The following COL5A2 variants were observed in gnomAD, a reference collection of about 807,000 sequenced individuals.
COL5A2 encodes the protein collagen type V alpha 2 chain.
Under a neutral mutation model 208.2 loss-of-function variants are expected in COL5A2, and 23 were observed. That is an observed-to-expected ratio of 0.11 (90% CI 0.08 to 0.16). The LOEUF (loss-of-function observed/expected upper bound fraction) is 0.16. COL5A2 is among the 10% of genes least tolerant of loss of function. COL5A2 has a pLI of 1.00. For missense variants in COL5A2, 1,590 were observed against 1,956.4 expected, an observed-to-expected ratio of 0.81 and a Z score of 3.53; for synonymous variants, 625 against 628.5, an observed-to-expected ratio of 0.99 and a Z score of 0.08.
At chr2:189,366,571 A>G in the COL5A2 span, among the ~76,000 whole-genome samples, 1 of 152,230 alleles carries the variant, frequency 6.6e-6, no homozygotes. Flanking sequence ...AATTACCATC[A>G]CATTCCTCAA....
the COL5A2 span, among the ~76,000 whole-genome samples, chr2:189,315,751 T>A: frequency 0.013 from 1,908 of 151,636 alleles, 34 homozygotes; most frequent in African/African-American, 0.044. Context: ...TACAAAATTA[T>A]TGTGTAAAAT....
At chr2:189,352,675 T>A in the COL5A2 span, among the ~76,000 whole-genome samples, 2 of 152,136 alleles carry the variant, frequency 1.3e-5, no homozygotes, top group Non-Finnish European at 2.9e-5. Flanking sequence ...TTTAAGTTCT[T>A]TGTAGATTCT....
intron 1 of COL5A2, among the ~76,000 whole-genome samples, chr2:189,117,966 A>C (rs1687427964): frequency 6.6e-6 from 1 of 152,136 alleles, no homozygotes; most frequent in Non-Finnish European, 1.5e-5. Flanking sequence ...TTGTTTGCTT[A>C]AGAAGCTTTA....
intron 8 of COL5A2, among the ~76,000 whole-genome samples, chr2:189,087,533 G>C (rs1027480457): frequency 6.6e-6 from 1 of 151,650 alleles, no homozygotes. Flanking sequence ...GCGCGACCTG[G>C]GCTCACTGCA....
chr2:189,414,595 C>G, the COL5A2 span, among the ~76,000 whole-genome samples: 1 of 151,760 alleles, frequency 6.6e-6, no homozygotes, highest in Non-Finnish European at 1.5e-5. Context: ...ACTAAAAATA[C>G]AAAAATTAGC....
chr2:189,051,272 G>C (rs369124986), intron 42 of COL5A2, 48 bp downstream of exon 42: 6 of 1,611,254 alleles, frequency 3.7e-6, no homozygotes. Flanking sequence ...GTTTCTATTT[G>C]TAAATATCTC....
chr2:189,290,780 C>T, the COL5A2 span, among the ~76,000 whole-genome samples: 1 of 139,466 alleles, frequency 7.2e-6, no homozygotes, highest in Admixed American at 7.2e-5. Flanking sequence ...GGAAAGGAAA[C>T]CTCAAATACA....
Position 189,032,099 on chromosome 2 carries a change from A to G in COL5A2, c.*1971T>C, listed in dbSNP as rs1559069723. Reference sequence around the variant, plus strand: ...ATGTATTTAGGCATATAAATACTCAAATTTAAGATATACAGGTCAAAATAT... The same window carrying G: ...ATGTATTTAGGCATATAAATACTCAGATTTAAGATATACAGGTCAAAATAT... On this transcript the variant is annotated 3_prime_UTR_variant, in exon 54 of 54. Transcript: ENST00000374866. 6.6e-6 allele frequency: 1 copy of G among 152,154 alleles called. No individual in the cohort carries two copies. The highest frequency in any genetic ancestry group is 1.5e-5 in the Non-Finnish European group (1 of 68,014). 9.4% of individuals were successfully genotyped at this position (152,154 alleles called of 1,614,324 possible). A position where few individuals can be genotyped will look rare whatever the true frequency, so the allele number is the denominator to read the frequency against.
At chr2:189,064,235 G>T (rs1330146109) in intron 25 of COL5A2, among the ~76,000 whole-genome samples, 1 of 151,112 alleles carries the variant, frequency 6.6e-6, no homozygotes, top group Non-Finnish European at 1.5e-5. Context: ...TGCTATAAAA[G>T]TATATTTACA....
intron 1 of COL5A2, among the ~76,000 whole-genome samples, chr2:189,137,500 T>G (rs1294546764): frequency 1.3e-5 from 2 of 152,236 alleles, no homozygotes; most frequent in Admixed American, 6.5e-5. Flanking sequence ...TTAAGTAATA[T>G]TCTTTTGATG....
chr2:189,375,025 T>C, the COL5A2 span, among the ~76,000 whole-genome samples: 1 of 151,624 alleles, frequency 6.6e-6, no homozygotes, highest in Non-Finnish European at 1.5e-5. Flanking sequence ...TATATCTTTT[T>C]TTTTTTTTTG....
the COL5A2 span, among the ~76,000 whole-genome samples, chr2:189,244,657 G>C: frequency 1.3e-5 from 2 of 152,168 alleles, no homozygotes; most frequent in African/African-American, 4.8e-5. Context: ...CAAGTCTCTA[G>C]GGAGTTCCAA....
At chr2:189,125,891 G>A (rs1687598393) in intron 1 of COL5A2, among the ~76,000 whole-genome samples, 1 of 151,974 alleles carries the variant, frequency 6.6e-6, no homozygotes. Flanking sequence ...ATAAAATTAA[G>A]AGAAAGTTGC....
chr2:189,239,283 C>T, the COL5A2 span, among the ~76,000 whole-genome samples: 3 of 151,898 alleles, frequency 2.0e-5, no homozygotes, highest in Admixed American at 6.6e-5. Flanking sequence ...TCACAAAATG[C>T]CCCTGACCTA....
In COL5A2 at chr2:189,065,010, C is replaced by T. The variant is rs1686117535; in HGVS notation, c.1611G>A (p.Gly537=). ...ATTGACAGGGCAACCTCACCTTTGG[C>T]CCAGGTAAACCATCAGAGCCTGGAA... ...RGFPGSDGLP[G]PKGAQGERGP... is the part of the protein sequence containing the mutation. The change falls in exon 24 of 54, where the codon GGG becomes GGA. Residue 537 remains glycine, a synonymous_variant. Transcript: ENST00000374866. The T allele has an allele frequency of 1.2e-6, 2 of 1,613,522 alleles. No homozygotes were observed. Among genetic ancestry groups the T allele is most frequent in the Non-Finnish European group, 1.7e-6 (2 of 1,179,808 alleles).
the COL5A2 span, among the ~76,000 whole-genome samples, chr2:189,301,018 C>T: frequency 1.3e-5 from 2 of 152,054 alleles, no homozygotes; most frequent in African/African-American, 4.8e-5. Context: ...GGAACCCTGT[C>T]TCTACAAAAA....
At chr2:189,095,364 CACTT>C (rs1370290400) in intron 6 of COL5A2, among the ~76,000 whole-genome samples, 1 of 152,090 alleles carries the variant, frequency 6.6e-6, no homozygotes, top group Non-Finnish European at 1.5e-5. Context: ...ATTTGTTAAA[CACTT>C]ACCATCACAC....
chr2:189,193,701 G>A (rs1199847848), intron 1 of COL5A2, among the ~76,000 whole-genome samples: 2 of 152,184 alleles, frequency 1.3e-5, no homozygotes, highest in Non-Finnish European at 2.9e-5. Flanking sequence ...CTGACTTACA[G>A]TTCTTCCTGT....
At chr2:189,404,555 A>C in the COL5A2 span, among the ~76,000 whole-genome samples, 1 of 152,154 alleles carries the variant, frequency 6.6e-6, no homozygotes, top group Non-Finnish European at 1.5e-5. Context: ...ACTGAATTGC[A>C]CCACTGGCTT....
Sources: gnomAD v4.1 joint callset for allele counts (sites outside exome capture counted in the v4.1 genomes callset) on GRCh38, gnomAD v4.1.1 for gene constraint, MANE v1.5 for transcripts, NCBI Gene and HGNC (gene_info 2026-07-23, HGNC 2026-07-21) for gene names.